The following PEMT variants were observed in gnomAD, a reference collection of about 807,000 sequenced individuals.
The protein encoded by PEMT is phosphatidylethanolamine N-methyltransferase, also known as phospholipid methyltransferase.
PEMT carries 23 observed loss-of-function variants against 27.4 expected under a neutral mutation model. The observed-to-expected ratio is 0.84, with a 90% CI of 0.60 to 1.19. The LOEUF (loss-of-function observed/expected upper bound fraction) is 1.19. PEMT is among the 50% of genes most tolerant of loss of function. PEMT has a pLI of 0.00. For missense variants in PEMT, 307 were observed against 310.1 expected (o/e 0.99, Z 0.07); for synonymous variants, 137 against 139.1 (o/e 0.98, Z 0.11).
intron 2 of PEMT, among the ~76,000 whole-genome samples, chr17:17,560,157 G>A (rs1289070222): frequency 6.6e-6 from 1 of 152,228 alleles, no homozygotes; most frequent in African/African-American, 2.4e-5. Flanking sequence ...CATGGTCAAG[G>A]CAGGCATCGG....
At position 17,549,881 on chromosome 17, in the gene PEMT, C is replaced by A. The variant is rs377569705; in HGVS notation, c.204+27039G>T. 1.8e-4 allele frequency among the ~76,000 whole-genome samples: 27 copies of A among 152,346 alleles called. No individual in the cohort carries two copies. The East Asian group carries it at 3.3e-3, about 19-fold the overall frequency. On this transcript the variant is annotated intron_variant, in intron 2 of 6. Coordinates refer to ENST00000255389, the MANE Select transcript of PEMT (RefSeq NM_148172.3). ...TCGTCTGGGCCACTCTGTACCTGCA[C>A]ACACATTCAGTCCCTGCAAGTCCGC...
In PEMT at chr17:17,569,863, G is replaced by C. The variant is rs1597949378; in HGVS notation, c.204+7057C>G. 2.0e-5 allele frequency among the ~76,000 whole-genome samples: 3 copies of C among 152,204 alleles called. No homozygotes were observed. In the South Asian group the frequency reaches 6.2e-4, roughly 32 times the overall value. ...GACAACACAGGGCATGGCAGGGCAG[G>C]GCAAGCAGGGGGGCTCTGGGAGCTG... is the stretch of plus-strand genomic sequence containing the variant. On this transcript the variant is annotated intron_variant, in intron 2 of 6. Transcript: ENST00000255389.
intron 2 of PEMT, among the ~76,000 whole-genome samples, chr17:17,566,454 G>A (rs1029352670): frequency 6.6e-6 from 1 of 152,164 alleles, no homozygotes; most frequent in Non-Finnish European, 1.5e-5. Flanking sequence ...CCCACCCCTA[G>A]TTTCCAAGAG....
At chr17:17,587,583 C>T (rs956223491) in intron 1 of PEMT, among the ~76,000 whole-genome samples, 4 of 152,072 alleles carry the variant, frequency 2.6e-5, no homozygotes, top group Non-Finnish European at 2.9e-5. Flanking sequence ...AAAACCAGGC[C>T]GGGTGCAGTG....
At chr17:17,545,060 G>A (rs982581583) in intron 2 of PEMT, among the ~76,000 whole-genome samples, 3 of 152,150 alleles carry the variant, frequency 2.0e-5, no homozygotes, top group Non-Finnish European at 2.9e-5. Flanking sequence ...CCGTGCAGGC[G>A]GCCACCAAGG....
chr17:17,509,534 C>T lies in PEMT; in HGVS notation c.478G>A (p.Gly160Arg), dbSNP rs773288219. The T allele has an allele frequency of 4.0e-5, 65 of 1,611,980 alleles. No homozygotes were observed. The highest frequency in any genetic ancestry group is 2.5e-4 in the Admixed American group (15 of 59,986). The change falls in exon 5 of 7, where the codon GGG becomes AGG. Residue 160 changes from glycine to arginine, a missense_variant. Gly to Arg is a moderately radical substitution (Grantham distance 125). Coordinates refer to ENST00000255389, the MANE Select transcript of PEMT (RefSeq NM_148172.3). ...GTCACTCTCGCCTCCTTGAGGATCC[C>T]GAAGTAATCACCTGTGGATGAGGCA... ...FAGTFLGDYFGILKEARVTVF... is the reference protein window; with the variant it reads ...FAGTFLGDYFRILKEARVTVF...
chr17:17,516,009 C>G (rs1241256178), intron 3 of PEMT, among the ~76,000 whole-genome samples: 1 of 152,190 alleles, frequency 6.6e-6, no homozygotes, highest in African/African-American at 2.4e-5. Flanking sequence ...CAGTCCTGGG[C>G]CACACACCAG....
intron 2 of PEMT, among the ~76,000 whole-genome samples, chr17:17,572,548 G>A (rs987283092): frequency 1.3e-5 from 2 of 152,182 alleles, no homozygotes; most frequent in Non-Finnish European, 2.9e-5. Flanking sequence ...TCCTGCATGA[G>A]AATCAGGTTT....
chr17:17,580,121 C>A (rs916462192), intron 1 of PEMT, among the ~76,000 whole-genome samples: 29 of 152,112 alleles, frequency 1.9e-4, no homozygotes, highest in Non-Finnish European at 1.5e-5. Context: ...TGTGATGCAG[C>A]CCCAAAGCTT....
chr17:17,516,856 C>G (rs1906874945), intron 3 of PEMT, among the ~76,000 whole-genome samples: 1 of 152,194 alleles, frequency 6.6e-6, no homozygotes, highest in South Asian at 2.1e-4. Flanking sequence ...CCCTTACTCT[C>G]CAGCTGCCCT....
chr17:17,523,838 AAGT>A lies in PEMT; in HGVS notation c.205-1446_205-1444del, dbSNP rs1567680208. 6.6e-6 allele frequency among the ~76,000 whole-genome samples: 1 copy of A among 152,098 alleles called. No homozygotes were observed. The highest frequency in any genetic ancestry group is 2.4e-5 in the African/African-American group (1 of 41,400). ...TGTTCCAATTCTGAGATAAAATTCAAAGTAGTTTTTAGCTATGCAACCATCACC... is the reference window on the plus strand; with the variant it reads ...TGTTCCAATTCTGAGATAAAATTCAAAGTTTTTAGCTATGCAACCATCACC... On this transcript the variant is annotated intron_variant, in intron 2 of 6. Transcript: ENST00000255389. This position sits in a 1 kb window ranked among gnomAD's most constrained non-coding sequence, Gnocchi z 4.8.
At chr17:17,521,113 C>A (rs146173007) in intron 3 of PEMT, among the ~76,000 whole-genome samples, 2 of 152,368 alleles carry the variant, frequency 1.3e-5, no homozygotes, top group Non-Finnish European at 2.9e-5. Flanking sequence ...GCTACACGCG[C>A]CCCATCCAAA....
upstream of PEMT, chr17:17,591,972 G>A (rs1597976210): frequency 1.0e-6 from 1 of 985,412 alleles, no homozygotes; most frequent in East Asian, 1.1e-4. Flanking sequence ...CTGACCTGGC[G>A]TCCCTGCCCT....
At chr17:17,552,582 T>TG (rs1231376221) in intron 2 of PEMT, among the ~76,000 whole-genome samples, 1 of 152,070 alleles carries the variant, frequency 6.6e-6, no homozygotes, top group Non-Finnish European at 1.5e-5. Context: ...CATTCCCGGT[T>TG]GGGGGGTGTG....
chr17:17,557,800 C>T (rs892976137), intron 2 of PEMT, among the ~76,000 whole-genome samples: 2 of 152,150 alleles, frequency 1.3e-5, no homozygotes, highest in African/African-American at 4.8e-5. Flanking sequence ...TCAGGTGTTC[C>T]CGAGGGAAAA....
intron 2 of PEMT, among the ~76,000 whole-genome samples, chr17:17,529,632 G>A (rs137971291): frequency 2.0e-5 from 3 of 152,328 alleles, no homozygotes; most frequent in Non-Finnish European, 4.4e-5. Flanking sequence ...ACATGACCCA[G>A]CTTCACACCC....
In PEMT at chr17:17,509,451, G is replaced by T; in HGVS notation, c.561C>A (p.Tyr187Ter). ...GTACTCACATGATGGCCCAGCCCAGGTAGTTGGCTGTGCTTCCCCAGTACA... is the reference window on the plus strand; with the variant it reads ...GTACTCACATGATGGCCCAGCCCAGTTAGTTGGCTGTGCTTCCCCAGTACA... ...NPMYWGSTANYLGWAIMHASP... is the reference protein window; with the variant it reads ...NPMYWGSTAN Residue 187 changes from tyrosine to a stop codon, truncating the protein, a stop_gained, in exon 5 of 7, where the codon TAC (tyrosine) becomes TAA (stop). Transcript: ENST00000255389. LOFTEE classifies it high-confidence loss of function. The T allele has an allele frequency of 6.2e-7, 1 of 1,611,668 alleles. No homozygotes were observed. Among genetic ancestry groups the T allele is most frequent in the Non-Finnish European group, 8.5e-7 (1 of 1,177,834 alleles).
At chr17:17,521,090 T>C (rs1907229457) in intron 3 of PEMT, among the ~76,000 whole-genome samples, 1 of 152,174 alleles carries the variant, frequency 6.6e-6, no homozygotes, top group African/African-American at 2.4e-5. Context: ...CCACGGGCAA[T>C]GGGGAGAGCC....
intron 2 of PEMT, among the ~76,000 whole-genome samples, chr17:17,548,578 CGCTCTTGTTGCCCAGGCTGGA>C (rs1909421961): frequency 6.6e-6 from 1 of 152,076 alleles, no homozygotes; most frequent in Non-Finnish European, 1.5e-5. Flanking sequence ...GACGCAGTTT[CGCTCTTGTTGCCCAGGCTGGA>C]GTGCAATGGC....
Sources: gnomAD v4.1 joint callset for allele counts (sites outside exome capture counted in the v4.1 genomes callset) on GRCh38, gnomAD v4.1.1 for gene constraint, Gnocchi (gnomAD v3.1) non-coding constraint, MANE v1.5 for transcripts, NCBI Gene and HGNC (gene_info 2026-07-23, HGNC 2026-07-21) for gene names.